Variants in TJP2 observed in about 807,000 individuals in gnomAD.
TJP2 encodes tight junction protein 2.
A neutral mutation model predicts 133.1 loss-of-function variants in TJP2; 91 were observed. That is an observed-to-expected ratio of 0.68 (90% CI 0.58 to 0.81). The LOEUF (loss-of-function observed/expected upper bound fraction) is 0.81. TJP2 is among the 40% of genes least tolerant of loss of function. The probability of loss-of-function intolerance (pLI) is 0.00; values close to 1 mark genes in which losing one functional copy is unlikely to be tolerated. For missense variants in TJP2, 1,541 were observed against 1,565.6 expected (o/e 0.98, Z 0.26); for synonymous variants, 592 against 583.4 (o/e 1.01, Z -0.21).
rs569569758 is a variant in TJP2, at chr9:69,254,066, G to C, written c.3408-143G>C. 13 of 941,106 alleles carry C rather than the reference G, an allele frequency of 1.4e-5. No individual in the cohort carries two copies. In the South Asian group the frequency reaches 1.7e-4, roughly 13 times the overall value. The allele number at this position is 941,106 out of a possible 1,614,324, so 58.3% of individuals were successfully genotyped here. ...ACGAACCTGGAGCAGGACCAGGGAT[G>C]CCCTGGTTGCTCTGCAGAATGTGGC... On this transcript the variant is annotated intron_variant, in intron 22 of 22. Coordinates refer to ENST00000377245, the MANE Select transcript of TJP2 (RefSeq NM_004817.4).
chr9:69,169,379 A>ACTC (rs1824554406), upstream of TJP2, among the ~76,000 whole-genome samples: 9 of 90,796 alleles, frequency 9.9e-5, no homozygotes, highest in African/African-American at 3.8e-4. Context: ...TGGGGGGGGG[A>ACTC]TGGAGTTTCA....
intron 1 of TJP2, among the ~76,000 whole-genome samples, chr9:69,187,192 A>C (rs1419539601): frequency 1.3e-5 from 2 of 152,220 alleles, no homozygotes; most frequent in Non-Finnish European, 2.9e-5. Context: ...ACACATGTCT[A>C]TGTGGGGGAA....
intron 1 of TJP2, among the ~76,000 whole-genome samples, chr9:69,188,511 C>T (rs1826001333): frequency 6.6e-6 from 1 of 152,180 alleles, no homozygotes; most frequent in African/African-American, 2.4e-5. Flanking sequence ...AGGAGAAGCT[C>T]AAGGCCCTGT....
chr9:69,156,656 C>T (rs899651705), intron 2 of TJP2, among the ~76,000 whole-genome samples: 8 of 150,948 alleles, frequency 5.3e-5, no homozygotes, highest in Admixed American at 1.3e-4. Flanking sequence ...CTCAGCCTCC[C>T]GAGTAGCTGG....
intron 4 of TJP2, 91 bp downstream of exon 4, chr9:69,218,450 G>GA: frequency 1.1e-6 from 1 of 930,970 alleles, no homozygotes; most frequent in Non-Finnish European, 1.7e-6. Flanking sequence ...GCATTTGACA[G>GA]AATTACATAA....
chr9:69,144,025 C>T (rs1406551990), intron 1 of TJP2, among the ~76,000 whole-genome samples: 1 of 151,970 alleles, frequency 6.6e-6, no homozygotes, highest in African/African-American at 2.4e-5. Context: ...TTTTTTGAGA[C>T]AGAGTCTCTC....
chr9:69,238,860 G>A, intron 16 of TJP2, 71 bp downstream of exon 16: 2 of 1,250,348 alleles, frequency 1.6e-6, no homozygotes, highest in South Asian at 2.5e-5. Flanking sequence ...TCACTTTTAG[G>A]ATAGTATCTG....
intron 1 of TJP2, chr9:69,205,429 C>G: frequency 8.3e-7 from 1 of 1,198,488 alleles, no homozygotes; most frequent in Non-Finnish European, 1.1e-6. Context: ...TTAATTTTAG[C>G]AGATCTATGT....
chr9:69,236,326 A>T (rs1029422656), intron 13 of TJP2, 88 bp downstream of exon 13: 3 of 1,326,882 alleles, frequency 2.3e-6, no homozygotes, highest in Admixed American at 1.9e-5. Context: ...GTAAAAGGAA[A>T]CCCCACATGA....
At position 69,227,127 on chromosome 9, in the gene TJP2, A is replaced by AT. The variant is rs5898066; in HGVS notation, c.1211-627dup. On this transcript the variant is annotated intron_variant, in intron 7 of 22. Transcript: ENST00000377245. The stretch of plus-strand genomic sequence containing the variant: ...GAAGTTGTAAAGCAGACTTTTGTTG[A>AT]TTTTTTTTTTTAAAGGAATTTCTTT... Among the ~76,000 whole-genome samples, 1,124 of 151,568 alleles carry AT rather than the reference A, an allele frequency of 7.4e-3. 30 individuals are homozygous for AT. In the East Asian group the frequency reaches 0.082, roughly 11 times the overall value.
In TJP2 at chr9:69,249,422, T is replaced by C. The variant is rs934932135; in HGVS notation, c.2928T>C (p.Ala976=). 6.2e-7 allele frequency: 1 copy of C among 1,612,030 alleles called. No individual in the cohort carries two copies. Among genetic ancestry groups the C allele is most frequent in the African/African-American group, 1.3e-5 (1 of 74,908 alleles). ...AGCCACGAGCTCAGATGAGGAGGGC[T>C]GCTAGCAGCGATCAACTTAGGGACA... ...SPEPRAQMRR[A]ASSDQLRDNS... Residue 976 remains alanine, a synonymous_variant, in exon 20 of 23, where the codon GCT becomes GCC. Coordinates refer to ENST00000377245, the MANE Select transcript of TJP2 (RefSeq NM_004817.4).
chr9:69,241,344 C>T (rs796321808), intron 17 of TJP2, among the ~76,000 whole-genome samples: 70 of 152,180 alleles, frequency 4.6e-4, no homozygotes, highest in African/African-American at 1.5e-3. Context: ...TGGGGCAACA[C>T]GAGGAGACTG....
intron 1 of TJP2, among the ~76,000 whole-genome samples, chr9:69,130,015 C>CAAAAAAAAA (rs11355311): frequency 2.1e-5 from 2 of 94,176 alleles, no homozygotes; most frequent in South Asian, 3.4e-4. Flanking sequence ...AACTCTGCCT[C>CAAAAAAAAA]AAAAAAAAAA....
At position 69,254,525 on chromosome 9, in the gene TJP2, A is replaced by G. The variant is rs570648809; in HGVS notation, c.*151A>G. On this transcript the variant is annotated 3_prime_UTR_variant, in exon 23 of 23. Transcript: ENST00000377245. ...TGTGTCCTCATGGAGAACCCAGGGG[A>G]CAGCTGGTGCAAATTCAGAACTGAG... is the stretch of plus-strand genomic sequence containing the variant. The G allele has an allele frequency of 1.9e-5, 19 of 988,738 alleles. No individual in the cohort carries two copies. The highest frequency in any genetic ancestry group is 3.1e-4 in the Middle Eastern group (1 of 3,272). The allele number at this position is 988,738 out of a possible 1,614,324, so 61.2% of individuals were successfully genotyped here.
In TJP2 at chr9:69,229,178, C is replaced by T. The variant is rs1554663268; in HGVS notation, c.1454-6C>T. ...TTGATAACAGTAGATGTTTCTTAAC[C>T]TACAGCTCCTCAACCAAAAGCAGCC... On this transcript the variant is annotated splice_polypyrimidine_tract_variant and splice_region_variant and intron_variant, in intron 9 of 22. Transcript: ENST00000377245. 2 of 1,613,876 alleles carry T rather than the reference C, an allele frequency of 1.2e-6. No individual in the cohort carries two copies. The highest frequency in any genetic ancestry group is 2.2e-5 in the East Asian group (1 of 44,868).
At chr9:69,220,233 G>A (rs1393235603) in intron 4 of TJP2, among the ~76,000 whole-genome samples, 3 of 152,180 alleles carry the variant, frequency 2.0e-5, no homozygotes, top group East Asian at 1.9e-4. Context: ...TAGGGTATGT[G>A]TGATTAATTT....
intron 1 of TJP2, among the ~76,000 whole-genome samples, chr9:69,149,309 G>GC (rs1823359690): frequency 6.6e-6 from 1 of 152,190 alleles, no homozygotes; most frequent in Non-Finnish European, 1.5e-5. Flanking sequence ...AGAAAAGTTT[G>GC]CATATGAAGC....
At chr9:69,166,492 C>T (rs534683837) in intron 2 of TJP2, among the ~76,000 whole-genome samples, 3 of 151,982 alleles carry the variant, frequency 2.0e-5, no homozygotes, top group Admixed American at 6.5e-5. Flanking sequence ...CCTGTAATCA[C>T]AGCACTTTGG....
At chr9:69,151,717 G>C (rs1445348658) in exon 2 of TJP2, 2 of 1,231,922 alleles carry the variant, frequency 1.6e-6, no homozygotes, top group African/African-American at 3.1e-5. Flanking sequence ...GCAGCTCCAG[G>C]AGCAAGTACT....
Sources: gnomAD v4.1 joint callset for allele counts (sites outside exome capture counted in the v4.1 genomes callset) on GRCh38, gnomAD v4.1.1 for gene constraint, MANE v1.5 for transcripts, NCBI Gene and HGNC (gene_info 2026-07-23, HGNC 2026-07-21) for gene names.